ALG1: variants seen among roughly 807,000 people sequenced by gnomAD.
ALG1 encodes ALG1 chitobiosyldiphosphodolichol beta-mannosyltransferase, also known as chitobiosyldiphosphodolichol beta-mannosyltransferase.
ALG1 carries 58 observed loss-of-function variants against 55.1 expected under a neutral mutation model. The observed-to-expected ratio is 1.05, with a 90% CI of 0.85 to 1.31. The LOEUF (loss-of-function observed/expected upper bound fraction) is 1.31. ALG1 is among the 50% of genes most tolerant of loss of function. The pLI, the probability that ALG1 is intolerant of heterozygous loss-of-function variation, is 0.00. For synonymous variants in ALG1, 309 were observed against 247.0 expected (o/e 1.25, Z -2.35); for missense variants, 761 against 598.6 (o/e 1.27, Z -2.83).
intron 6 of ALG1, chr16:5,078,361 G>T (rs1226896251): frequency 5.1e-6 from 3 of 593,244 alleles, no homozygotes; most frequent in Admixed American, 4.3e-5. Context: ...CCTGTGGCAG[G>T]ATCTGTGGAC....
At chr16:5,079,222 A>G in intron 8 of ALG1, 120 bp downstream of exon 8, 1 of 1,368,024 alleles carries the variant, frequency 7.3e-7, no homozygotes, top group East Asian at 2.5e-5. Flanking sequence ...GCCTGGGGAC[A>G]GCGGGGGTGG....
intron 2 of ALG1, 56 bp downstream of exon 2, chr16:5,073,084 G>A (rs1956848017): frequency 6.2e-7 from 1 of 1,611,538 alleles, no homozygotes; most frequent in Admixed American, 1.7e-5. Context: ...GGCAGGGGGT[G>A]TTCGTTTGAA....
intron 3 of ALG1, among the ~76,000 whole-genome samples, chr16:5,073,600 C>T (rs1956858625): frequency 6.6e-6 from 1 of 152,218 alleles, no homozygotes; most frequent in South Asian, 2.1e-4. Context: ...CTGAGAAAGG[C>T]TCTGTAAGTA....
intron 1 of ALG1, chr16:5,072,290 A>T (rs2142699671): frequency 7.0e-7 from 1 of 1,436,910 alleles, no homozygotes; most frequent in East Asian, 2.5e-5. Context: ...GCGTGGTCTC[A>T]CGTAATTCTC....
rs1370345541 is a variant in ALG1, at chr16:5,080,873, A to T, written c.962-73A>T. On this transcript the variant is annotated intron_variant, in intron 9 of 12. Coordinates refer to ENST00000262374, the MANE Select transcript of ALG1 (RefSeq NM_019109.5). ...GGGAAAGGGATCCCTCCTAGGGGGGAGTGTCTTGGGCCTGGGGCCACGTGG... is the reference window on the plus strand; with the variant it reads ...GGGAAAGGGATCCCTCCTAGGGGGGTGTGTCTTGGGCCTGGGGCCACGTGG... 57 of 1,553,588 alleles carry T rather than the reference A, an allele frequency of 3.7e-5. No individual in the cohort carries two copies. In the Admixed American group the frequency reaches 9.0e-4, roughly 25 times the overall value.
intron 1 of ALG1, 141 bp downstream of exon 1, chr16:5,072,198 C>T (rs1596251192): frequency 2.6e-6 from 4 of 1,535,734 alleles, no homozygotes; most frequent in East Asian, 4.9e-5. Context: ...AGCGGTTCTG[C>T]CCCAGCCTTT....
intron 3 of ALG1, among the ~76,000 whole-genome samples, chr16:5,074,137 C>T (rs1230587537): frequency 6.6e-6 from 1 of 151,772 alleles, no homozygotes; most frequent in African/African-American, 2.4e-5. Context: ...GAAGCACCTT[C>T]CTCTTTTATT....
chr16:5,072,869 C>T lies in ALG1; in HGVS notation c.209-82C>T, dbSNP rs989815441. On this transcript the variant is annotated intron_variant, in intron 1 of 12. Coordinates refer to ENST00000262374, the MANE Select transcript of ALG1 (RefSeq NM_019109.5). ...ATATCTTACTTTCCAAAACACTGTC[C>T]GTGATTCAGCCTGAGTTGGGAGATT... is the stretch of plus-strand genomic sequence containing the variant. 56 of 1,278,100 alleles carry T rather than the reference C, an allele frequency of 4.4e-5. No individual in the cohort carries two copies. In the East Asian group the frequency reaches 1.0e-3, roughly 24 times the overall value. 79.2% of individuals were successfully genotyped at this position (1,278,100 alleles called of 1,614,324 possible). A position where few individuals can be genotyped will look rare whatever the true frequency, so the allele number is the denominator to read the frequency against.
chr16:5,072,438 C>A, intron 1 of ALG1: 1 of 442,204 alleles, frequency 2.3e-6, no homozygotes, highest in Non-Finnish European at 4.0e-6. Context: ...GCTCTGCAGA[C>A]AGATGTTTTC....
intron 1 of ALG1, chr16:5,072,279 T>G (rs1956829914): frequency 5.5e-6 from 8 of 1,448,026 alleles, no homozygotes; most frequent in Non-Finnish European, 7.2e-6. Context: ...GTGAATCCAT[T>G]GCGTGGTCTC....
At chr16:5,077,585 T>C (rs372179504) in intron 5 of ALG1, 51 bp downstream of exon 5, 520 of 1,554,296 alleles carry the variant, frequency 3.3e-4, no homozygotes, top group Non-Finnish European at 4.5e-4. Flanking sequence ...GGGCCCCTGA[T>C]TGGCTGCAGT....
Position 5,085,757 on chromosome 16 carries a change from A to C in ALG1, c.*876A>C. 6.4e-7 allele frequency: 1 copy of C among 1,564,674 alleles called. No individual in the cohort carries two copies. Among genetic ancestry groups the C allele is most frequent in the Non-Finnish European group, 8.8e-7 (1 of 1,136,894 alleles). ...CCTGGAAACAGAGCACATGTGTTTG[A>C]GGATGGCGGTGTTTGGGGACAGGAC... On this transcript the variant is annotated 3_prime_UTR_variant, in exon 13 of 13. Coordinates refer to ENST00000262374, the MANE Select transcript of ALG1 (RefSeq NM_019109.5).
At position 5,082,630 on chromosome 16, in the gene ALG1, A is replaced by T; in HGVS notation, c.1144A>T (p.Met382Leu). The change falls in exon 11 of 13, where the codon ATG becomes TTG. Residue 382 changes from methionine to leucine, a missense_variant. Transcript: ENST00000262374. ...GLDLPMKVVD[M>L]FGCCLPVCAV... ...GGACCTGCCCATGAAGGTGGTGGAC[A>T]TGTTCGGGTGCTGTTTGCCTGTGTG... The T allele has an allele frequency of 6.2e-7, 1 of 1,611,972 alleles. No individual in the cohort carries two copies. The highest frequency in any genetic ancestry group is 1.3e-5 in the African/African-American group (1 of 74,978).
intron 12 of ALG1, chr16:5,084,216 A>G: frequency 3.5e-6 from 1 of 282,788 alleles, no homozygotes; most frequent in Non-Finnish European, 6.8e-6. Flanking sequence ...AGTCGTTTAG[A>G]CTGGGTTCCC....
intron 1 of ALG1, 74 bp from the exon 2 acceptor site, chr16:5,072,877 A>C: frequency 7.4e-7 from 1 of 1,343,724 alleles, no homozygotes; most frequent in Non-Finnish European, 1.1e-6. Flanking sequence ...TCCGTGATTC[A>C]GCCTGAGTTG....
chr16:5,083,360 G>T (rs1256013987), intron 11 of ALG1, among the ~76,000 whole-genome samples: 2 of 152,198 alleles, frequency 1.3e-5, no homozygotes, highest in Non-Finnish European at 1.5e-5. Context: ...CCAGGGCGTT[G>T]CCTTTACTTG....
At position 5,084,504 on chromosome 16, in the gene ALG1, A is replaced by G. The variant is rs1327859221; in HGVS notation, c.1264-246A>G. ...TCACAGGGGAATGGGCAGCACGTAG[A>G]GGCCGGGAGGTGCTCCAGGGCACCA... is the stretch of plus-strand genomic sequence containing the variant. On this transcript the variant is annotated intron_variant, in intron 12 of 12. Coordinates refer to ENST00000262374, the MANE Select transcript of ALG1 (RefSeq NM_019109.5). 4.7e-6 allele frequency: 3 copies of G among 643,542 alleles called. No individual in the cohort carries two copies. In the East Asian group the frequency reaches 8.4e-5, roughly 18 times the overall value. The allele number at this position is 643,542 out of a possible 1,614,324, so 39.9% of individuals were successfully genotyped here.
intron 3 of ALG1, 48 bp from the exon 4 acceptor site, chr16:5,075,340 C>T (rs2142706891): frequency 6.3e-7 from 1 of 1,596,102 alleles, no homozygotes. Context: ...GGGTTTATTG[C>T]CTAGCATGGT....
At chr16:5,072,331 C>T in intron 1 of ALG1, 1 of 1,273,696 alleles carries the variant, frequency 7.9e-7, no homozygotes, top group Non-Finnish European at 1.0e-6. Flanking sequence ...GCGTGGAACT[C>T]CAGGGCTAGT....
Sources: gnomAD v4.1 joint callset for allele counts (sites outside exome capture counted in the v4.1 genomes callset) on GRCh38, gnomAD v4.1.1 for gene constraint, MANE v1.5 for transcripts, NCBI Gene and HGNC (gene_info 2026-07-23, HGNC 2026-07-21) for gene names.